TPST1: variants seen among roughly 807,000 people sequenced by gnomAD.
The protein encoded by TPST1 is protein-tyrosine sulfotransferase 1.
Under a neutral mutation model 34.8 loss-of-function variants are expected in TPST1, and 20 were observed. The observed-to-expected ratio is 0.57, with a 90% CI of 0.40 to 0.84. TPST1 has a LOEUF of 0.84. Ranked by LOEUF, TPST1 falls within the 40% of genes least tolerant of loss-of-function variation. TPST1 has a pLI of 0.00. For missense variants in TPST1, 353 were observed against 455.5 expected (o/e 0.78, Z 2.05); for synonymous variants, 152 against 159.4 (o/e 0.95, Z 0.35).
chr7:66,302,297 A>G (rs912545725), intron 3 of TPST1, among the ~76,000 whole-genome samples: 2 of 152,130 alleles, frequency 1.3e-5, no homozygotes, highest in African/African-American at 4.8e-5. Flanking sequence ...CGAGGGGTTC[A>G]TTTCTTTGAT....
chr7:66,283,933 A>G (rs1249359918), intron 2 of TPST1, among the ~76,000 whole-genome samples: 2 of 152,176 alleles, frequency 1.3e-5, no homozygotes, highest in African/African-American at 2.4e-5. Context: ...AAACCCACAT[A>G]GTGGGTATTT....
intron 4 of TPST1, among the ~76,000 whole-genome samples, chr7:66,355,474 C>CA (rs200654978): frequency 0.018 from 2,269 of 129,302 alleles, 58 homozygotes; most frequent in East Asian, 0.1. Context: ...GACTCCCTCT[C>CA]AAAAAAAAAA....
intron 1 of TPST1, among the ~76,000 whole-genome samples, chr7:66,226,361 T>G (rs1789656391): frequency 6.6e-6 from 1 of 152,112 alleles, no homozygotes. Context: ...ATAGGTAAGA[T>G]TTAGAGAAGT....
chr7:66,318,976 G>A (rs1163863846), intron 3 of TPST1, among the ~76,000 whole-genome samples: 1 of 152,144 alleles, frequency 6.6e-6, no homozygotes, highest in African/African-American at 2.4e-5. Context: ...CTATTTCTTT[G>A]TGGGTGACTT....
upstream of TPST1, among the ~76,000 whole-genome samples, chr7:66,202,097 A>G (rs1326090441): frequency 6.6e-6 from 1 of 152,166 alleles, no homozygotes; most frequent in African/African-American, 2.4e-5. Flanking sequence ...TATATTATAC[A>G]CACTGTTTTG....
chr7:66,246,169 T>C (rs1790143216), intron 2 of TPST1, among the ~76,000 whole-genome samples: 1 of 144,306 alleles, frequency 6.9e-6, no homozygotes, highest in African/African-American at 2.6e-5. Context: ...CATGCCATCA[T>C]GCCTGGCTAA....
upstream of TPST1, among the ~76,000 whole-genome samples, chr7:66,202,711 G>T (rs188253121): frequency 3.9e-5 from 6 of 152,236 alleles, no homozygotes; most frequent in Admixed American, 3.3e-4. Flanking sequence ...TTAAAAGACT[G>T]GTTAGAGGAT....
chr7:66,274,459 A>G (rs911359119), intron 2 of TPST1, among the ~76,000 whole-genome samples: 2 of 152,168 alleles, frequency 1.3e-5, no homozygotes, highest in African/African-American at 4.8e-5. Context: ...TAAAGGTTTA[A>G]ATGTAAAACC....
chr7:66,281,230 A>T (rs538857064), intron 2 of TPST1, among the ~76,000 whole-genome samples: 1 of 152,178 alleles, frequency 6.6e-6, no homozygotes, highest in East Asian at 1.9e-4. Context: ...TCTGTTTCCT[A>T]GTATTTTTGT....
chr7:66,231,411 G>T (rs556583740), intron 1 of TPST1, among the ~76,000 whole-genome samples: 5 of 152,342 alleles, frequency 3.3e-5, no homozygotes, highest in Admixed American at 2.6e-4. Flanking sequence ...GGAGCAGGGG[G>T]TGGCACTTGT....
At chr7:66,234,428 C>CACACACACACACACACACACACAG (rs757230640) in intron 1 of TPST1, among the ~76,000 whole-genome samples, 2 of 150,412 alleles carry the variant, frequency 1.3e-5, no homozygotes, top group African/African-American at 4.9e-5. Context: ...CACACACACA[C>CACACACACACACACACACACACAG]ACAGACACAC....
intron 2 of TPST1, among the ~76,000 whole-genome samples, chr7:66,245,769 A>G (rs796439275): frequency 1.5e-4 from 23 of 152,370 alleles, no homozygotes; most frequent in African/African-American, 5.5e-4. Flanking sequence ...ATGACAGACC[A>G]TATTCACAAA....
chr7:66,231,676 G>A (rs1216444221), intron 1 of TPST1, among the ~76,000 whole-genome samples: 1 of 152,242 alleles, frequency 6.6e-6, no homozygotes, highest in Non-Finnish European at 1.5e-5. Flanking sequence ...ACTCCAGCTA[G>A]CCCGCAAGCA....
chr7:66,247,002 G>A (rs888103132), intron 2 of TPST1, among the ~76,000 whole-genome samples: 1 of 152,178 alleles, frequency 6.6e-6, no homozygotes, highest in Non-Finnish European at 1.5e-5. Flanking sequence ...GCCAGACACT[G>A]TGTTAGCTCC....
chr7:66,323,081 T>C (rs1256503992), intron 3 of TPST1, among the ~76,000 whole-genome samples: 3 of 152,208 alleles, frequency 2.0e-5, no homozygotes. Flanking sequence ...AGAAATACTT[T>C]GTTCATTTTT....
chr7:66,319,396 G>C (rs575980280), intron 3 of TPST1, among the ~76,000 whole-genome samples: 16 of 152,036 alleles, frequency 1.1e-4, no homozygotes, highest in African/African-American at 3.6e-4. Flanking sequence ...GTTATTTTTA[G>C]CCTGCCTGCT....
chr7:66,342,803 T>C (rs1289748501), intron 3 of TPST1, among the ~76,000 whole-genome samples: 1 of 152,074 alleles, frequency 6.6e-6, no homozygotes, highest in African/African-American at 2.4e-5. Flanking sequence ...AAGAACTCAC[T>C]CACAAGTGCA....
At chr7:66,304,167 T>C (rs1791376293) in intron 3 of TPST1, among the ~76,000 whole-genome samples, 1 of 152,196 alleles carries the variant, frequency 6.6e-6, no homozygotes, top group Non-Finnish European at 1.5e-5. Context: ...ACACGTTGTT[T>C]ACAATAGGAG....
chr7:66,350,160 C>A (rs572935393), intron 3 of TPST1, among the ~76,000 whole-genome samples: 4 of 152,264 alleles, frequency 2.6e-5, no homozygotes, highest in African/African-American at 9.6e-5. Flanking sequence ...ATTACAGGCG[C>A]CTGCCAACAC....
Sources: gnomAD v4.1 joint callset for allele counts (sites outside exome capture counted in the v4.1 genomes callset) on GRCh38, gnomAD v4.1.1 for gene constraint, MANE v1.5 for transcripts, NCBI Gene and HGNC (gene_info 2026-07-23, HGNC 2026-07-21) for gene names.